Variants in ARID4B observed in about 807,000 individuals in gnomAD.
ARID4B encodes AT-rich interactive domain-containing protein 4B.
In ARID4B, 26 loss-of-function variants were observed where a neutral mutation model predicts 147.5. The observed-to-expected ratio is 0.18, with a 90% confidence interval of 0.13 to 0.24. The LOEUF (loss-of-function observed/expected upper bound fraction) is 0.24. Ranked by LOEUF, ARID4B falls within the 10% of genes least tolerant of loss-of-function variation. ARID4B has a pLI of 1.00. For missense variants in ARID4B, 1,179 were observed against 1,511.5 expected (o/e 0.78, Z 3.65); for synonymous variants, 512 against 507.9 (o/e 1.01, Z -0.11).
intron 2 of ARID4B, among the ~76,000 whole-genome samples, chr1:235,302,520 G>C (rs1673255976): frequency 6.6e-6 from 1 of 151,820 alleles, no homozygotes; most frequent in Non-Finnish European, 1.5e-5. Flanking sequence ...GGATATGCTG[G>C]GTTAAATTAA....
At chr1:235,246,277 A>C in intron 7 of ARID4B, 143 bp downstream of exon 7, 1 of 650,260 alleles carries the variant, frequency 1.5e-6, no homozygotes, top group East Asian at 2.8e-5. Flanking sequence ...ACCCATGCTG[A>C]GGAGTCTGAA....
intron 19 of ARID4B, among the ~76,000 whole-genome samples, chr1:235,184,662 A>C: frequency 6.6e-6 from 1 of 152,216 alleles, no homozygotes; most frequent in South Asian, 2.1e-4. Flanking sequence ...CACATTTTTT[A>C]AATTATCAAA....
chr1:235,239,558 G>C (rs1038909971), intron 8 of ARID4B, among the ~76,000 whole-genome samples: 4 of 152,120 alleles, frequency 2.6e-5, no homozygotes, highest in Non-Finnish European at 5.9e-5. Flanking sequence ...CAAAGAAAAT[G>C]GTCTATACAT....
At chr1:235,326,032 C>A (rs949030058) in intron 2 of ARID4B, among the ~76,000 whole-genome samples, 1 of 152,104 alleles carries the variant, frequency 6.6e-6, no homozygotes, top group Non-Finnish European at 1.5e-5. Context: ...TGTGAACACT[C>A]TACCCTTTTC....
chr1:235,265,787 C>T (rs1670567381), intron 2 of ARID4B, among the ~76,000 whole-genome samples: 1 of 152,054 alleles, frequency 6.6e-6, no homozygotes, highest in South Asian at 2.1e-4. Context: ...TGACCTTGGG[C>T]TAAGCCACTT....
At chr1:235,214,520 T>C (rs1046707464) in intron 16 of ARID4B, among the ~76,000 whole-genome samples, 3 of 152,132 alleles carry the variant, frequency 2.0e-5, no homozygotes, top group African/African-American at 7.2e-5. Flanking sequence ...CTCAGGAAGT[T>C]TGAAACAATA....
intron 17 of ARID4B, among the ~76,000 whole-genome samples, chr1:235,207,028 T>G (rs1173364743): frequency 4.6e-5 from 7 of 152,192 alleles, no homozygotes; most frequent in African/African-American, 1.7e-4. Context: ...AAGGGATGCT[T>G]ATGAAGACTG....
At chr1:235,186,206 A>G (rs1271459443) in intron 19 of ARID4B, among the ~76,000 whole-genome samples, 1 of 152,052 alleles carries the variant, frequency 6.6e-6, no homozygotes, top group Non-Finnish European at 1.5e-5. Context: ...TGACCTCGTG[A>G]TCCGCCCACC....
intron 10 of ARID4B, 25 bp from the exon 11 acceptor site, chr1:235,229,410 G>A (rs368706859): frequency 4.1e-6 from 6 of 1,463,364 alleles, no homozygotes; most frequent in South Asian, 1.2e-5. Context: ...CAAGGTACAT[G>A]AACTGAAGAA....
intron 6 of ARID4B, among the ~76,000 whole-genome samples, chr1:235,250,973 A>C (rs1251520117): frequency 5.9e-5 from 9 of 152,120 alleles, no homozygotes; most frequent in Admixed American, 5.9e-4. Context: ...AAGTCCTCAT[A>C]CTCACTGACT....
intron 19 of ARID4B, among the ~76,000 whole-genome samples, chr1:235,183,059 T>C (rs1664428823): frequency 6.6e-6 from 1 of 152,074 alleles, no homozygotes; most frequent in African/African-American, 2.4e-5. Context: ...ATAAAAGTCA[T>C]CACTTTTATG....
At chr1:235,193,962 C>T (rs758441839) in intron 19 of ARID4B, 51 bp downstream of exon 19, 10 of 1,384,020 alleles carry the variant, frequency 7.2e-6, no homozygotes, top group Non-Finnish European at 1.0e-5. Flanking sequence ...TAGAACTTGA[C>T]TCATAAATTA....
At position 235,181,830 on chromosome 1, in the gene ARID4B, G is replaced by A. The variant is rs1007417233; in HGVS notation, c.3089C>T (p.Pro1030Leu). ...LNTPPTTPES[P>L]SSVTVTEGSR... ...GCCTTCTGTTACAGTGACTGATGAA[G>A]GCGATTCAGGTGTAGTAGGAGGGGT... The change falls in exon 20 of 24, where the codon CCT (proline) becomes CTT (leucine). Residue 1030 changes from proline (P) to leucine (L), a missense_variant. Transcript: ENST00000264183. 10 of 1,614,150 alleles carry A rather than the reference G, an allele frequency of 6.2e-6. No homozygotes were observed. Among genetic ancestry groups the A allele is most frequent in the Non-Finnish European group, 7.6e-6 (9 of 1,180,026 alleles).
At chr1:235,196,765 A>G (rs1665520802) in intron 17 of ARID4B, among the ~76,000 whole-genome samples, 1 of 150,544 alleles carries the variant, frequency 6.6e-6, no homozygotes, top group African/African-American at 2.4e-5. Flanking sequence ...AGGCAGAAGA[A>G]TCGTGTGAAC....
chr1:235,191,705 G>C (rs1461681168), intron 19 of ARID4B, among the ~76,000 whole-genome samples: 1 of 152,148 alleles, frequency 6.6e-6, no homozygotes, highest in African/African-American at 2.4e-5. Context: ...CTCTATTCAG[G>C]TAACATTCTC....
At chr1:235,265,148 G>A (rs1303025384) in intron 2 of ARID4B, among the ~76,000 whole-genome samples, 5 of 150,208 alleles carry the variant, frequency 3.3e-5, no homozygotes, top group East Asian at 2.0e-4. Context: ...GGTGGATCAC[G>A]AGGTCAGGCA....
chr1:235,250,347 A>G (rs777418020), intron 6 of ARID4B, among the ~76,000 whole-genome samples: 2 of 152,218 alleles, frequency 1.3e-5, no homozygotes, highest in Admixed American at 6.5e-5. Context: ...CAAAAACGTT[A>G]AAACTTTTAA....
At chr1:235,268,923 A>C (rs1417416395) in intron 2 of ARID4B, among the ~76,000 whole-genome samples, 2 of 152,212 alleles carry the variant, frequency 1.3e-5, no homozygotes, top group Non-Finnish European at 2.9e-5. Flanking sequence ...AATGATAGGG[A>C]CATTTCAAAC....
chr1:235,225,183 C>T (rs1163659646), intron 11 of ARID4B, among the ~76,000 whole-genome samples: 5 of 152,158 alleles, frequency 3.3e-5, no homozygotes, highest in Non-Finnish European at 7.3e-5. Context: ...AAAACTAATT[C>T]TATTATTGCT....
Sources: gnomAD v4.1 joint callset for allele counts (sites outside exome capture counted in the v4.1 genomes callset) on GRCh38, gnomAD v4.1.1 for gene constraint, MANE v1.5 for transcripts, NCBI Gene and HGNC (gene_info 2026-07-23, HGNC 2026-07-21) for gene names.